Variants in NEK11 observed in about 807,000 individuals in gnomAD.
The protein encoded by NEK11 is NIMA related kinase 11, also known as serine/threonine-protein kinase Nek11.
In NEK11, 72 loss-of-function variants were observed where a neutral mutation model predicts 80.7. The ratio of observed to expected loss-of-function variants is 0.89; its 90% CI spans 0.74 to 1.08. The LOEUF is 1.08. Among genes scored for constraint, NEK11 ranks in the 50% least tolerant of loss-of-function variants. NEK11 has a pLI of 0.00. For synonymous variants in NEK11, 251 were observed against 260.7 expected (o/e 0.96, Z 0.36); for missense variants, 764 against 763.6 (o/e 1.00, Z -0.01).
At chr3:131,341,122 TC>T (rs1300963895) in intron 17 of NEK11, among the ~76,000 whole-genome samples, 2 of 152,194 alleles carry the variant, frequency 1.3e-5, no homozygotes, top group African/African-American at 4.8e-5. Context: ...AAATTGAATT[TC>T]TATTTATGAA....
chr3:131,347,693 G>A (rs1230353129), intron 17 of NEK11, among the ~76,000 whole-genome samples: 1 of 152,140 alleles, frequency 6.6e-6, no homozygotes, highest in African/African-American at 2.4e-5. Flanking sequence ...GCCAAGGTGG[G>A]CCTGTAATGC....
intron 16 of NEK11, 107 bp downstream of exon 16, chr3:131,243,603 AG>A (rs2095551438): frequency 2.2e-6 from 2 of 920,658 alleles, no homozygotes; most frequent in Non-Finnish European, 3.3e-6. Flanking sequence ...TTAGTATAAC[AG>A]ATGAAGAAAC....
chr3:131,104,441 A>G (rs1703615525), intron 4 of NEK11, among the ~76,000 whole-genome samples: 1 of 152,024 alleles, frequency 6.6e-6, no homozygotes. Flanking sequence ...CAGTTCTTAG[A>G]TTCTTTACTC....
chr3:131,032,112 C>T (rs1400587880), intron 3 of NEK11, among the ~76,000 whole-genome samples: 1 of 152,100 alleles, frequency 6.6e-6, no homozygotes, highest in Non-Finnish European at 1.5e-5. Flanking sequence ...CAGGCATGCA[C>T]CACCACACCT....
chr3:131,347,816 G>A (rs946799140), intron 17 of NEK11, among the ~76,000 whole-genome samples: 4 of 152,040 alleles, frequency 2.6e-5, no homozygotes, highest in South Asian at 2.1e-4. Context: ...GCAGGCACCT[G>A]TAATCCCAGC....
intron 5 of NEK11, among the ~76,000 whole-genome samples, chr3:131,129,485 A>G (rs2084016550): frequency 6.6e-6 from 1 of 152,194 alleles, no homozygotes; most frequent in Admixed American, 6.5e-5. Flanking sequence ...CAATTCTTTC[A>G]TGGATTGTGA....
intron 3 of NEK11, chr3:131,054,360 C>T (rs1015535891): frequency 9.2e-5 from 14 of 152,102 alleles, no homozygotes; most frequent in Non-Finnish European, 1.3e-4. Context: ...TGAAGCCCCT[C>T]ATAAATCTGC....
intron 14 of NEK11, among the ~76,000 whole-genome samples, chr3:131,203,208 A>T (rs565663746): frequency 2.0e-5 from 3 of 152,280 alleles, no homozygotes; most frequent in East Asian, 3.9e-4. Context: ...GACTGGATTA[A>T]GAAAATGTGG....
At chr3:131,216,075 C>T (rs117433951) in intron 14 of NEK11, among the ~76,000 whole-genome samples, 5,586 of 152,158 alleles carry the variant, frequency 0.037, 195 homozygotes, top group East Asian at 0.17. Flanking sequence ...CTAGTGTCTA[C>T]CATATTAGGT....
intron 3 of NEK11, among the ~76,000 whole-genome samples, chr3:131,050,601 T>A (rs1388379836): frequency 1.3e-5 from 2 of 152,264 alleles, no homozygotes; most frequent in Non-Finnish European, 2.9e-5. Context: ...TAGTACATTT[T>A]ATTGACACTA....
intron 14 of NEK11, among the ~76,000 whole-genome samples, chr3:131,216,848 A>G (rs1471368475): frequency 6.6e-6 from 1 of 152,218 alleles, no homozygotes; most frequent in Non-Finnish European, 1.5e-5. Context: ...GTGATTGAAA[A>G]TTACAGTTGC....
At chr3:131,196,879 T>C (rs553976813) in intron 14 of NEK11, among the ~76,000 whole-genome samples, 1 of 150,960 alleles carries the variant, frequency 6.6e-6, no homozygotes, top group Admixed American at 6.6e-5. Context: ...CAAGATTTAA[T>C]AGAGTGAAAT....
intron 17 of NEK11, among the ~76,000 whole-genome samples, chr3:131,322,374 A>C (rs2096906377): frequency 1.3e-5 from 2 of 152,160 alleles, no homozygotes; most frequent in African/African-American, 4.8e-5. Context: ...TTCATATCCC[A>C]AACCTCAGCA....
intron 5 of NEK11, among the ~76,000 whole-genome samples, chr3:131,113,242 A>G (rs1259917761): frequency 6.6e-6 from 1 of 152,128 alleles, no homozygotes; most frequent in Non-Finnish European, 1.5e-5. Context: ...GATGAGTTTA[A>G]TTATGAATAT....
intron 3 of NEK11, among the ~76,000 whole-genome samples, chr3:131,062,638 C>G (rs899705536): frequency 1.3e-5 from 2 of 152,198 alleles, no homozygotes; most frequent in Non-Finnish European, 2.9e-5. Flanking sequence ...ATAGGTAAGT[C>G]TTTTCTAGCG....
intron 17 of NEK11, among the ~76,000 whole-genome samples, chr3:131,347,964 T>C (rs903188373): frequency 1.1e-4 from 17 of 152,004 alleles, no homozygotes; most frequent in Admixed American, 1.1e-3. Flanking sequence ...ACCAAATCCA[T>C]TGAAATGAAG....
In NEK11 at chr3:131,316,959, A is replaced by G. The variant is rs531002615; in HGVS notation, c.1719-32598A>G. On this transcript the variant is annotated intron_variant, in intron 17 of 17. Transcript: ENST00000383366. ...ACACTTCAAAAACTATTTCAGTGGA[A>G]CATGGAGAGTTTATAGAGGAGCTTA... Among the ~76,000 whole-genome samples the G allele has an allele frequency of 5.3e-5, 8 of 152,350 alleles. 1 individual carries two copies. The South Asian group carries it at 1.2e-3, about 24-fold the overall frequency.
intron 3 of NEK11, among the ~76,000 whole-genome samples, chr3:131,071,595 A>G (rs1024118323): frequency 2.2e-4 from 34 of 152,086 alleles, no homozygotes; most frequent in African/African-American, 7.9e-4. Context: ...TGATGTTTTT[A>G]AATAACTTAA....
At chr3:131,148,150 A>G (rs1463033663) in intron 7 of NEK11, among the ~76,000 whole-genome samples, 2 of 151,864 alleles carry the variant, frequency 1.3e-5, no homozygotes, top group Non-Finnish European at 1.5e-5. Flanking sequence ...ACTTTTTTCT[A>G]TAATGAGATA....
Sources: allele counts gnomAD v4.1 joint callset (sites outside exome capture counted in the v4.1 genomes callset), GRCh38; gene constraint gnomAD v4.1.1; transcripts MANE v1.5; gene names NCBI Gene and HGNC (gene_info 2026-07-23, HGNC 2026-07-21).